BBS9: variants seen among roughly 807,000 people sequenced by gnomAD.
The protein encoded by BBS9 is Bardet-Biedl syndrome 9.
In BBS9, 89 loss-of-function variants were observed where a neutral mutation model predicts 117.7. That is an observed-to-expected ratio of 0.76 (90% CI 0.64 to 0.90). The LOEUF (loss-of-function observed/expected upper bound fraction) is 0.90. Among genes scored for constraint, BBS9 ranks in the 40% least tolerant of loss-of-function variants. The probability of loss-of-function intolerance (pLI) is 0.00; values close to 1 mark genes in which losing one functional copy is unlikely to be tolerated. For synonymous variants in BBS9, 379 were observed against 370.9 expected (o/e 1.02, Z -0.25); for missense variants, 982 against 1,042.2 (o/e 0.94, Z 0.80).
chr7:33,389,977 G>A (rs568500033), intron 19 of BBS9, among the ~76,000 whole-genome samples: 1 of 152,162 alleles, frequency 6.6e-6, no homozygotes, highest in East Asian at 1.9e-4. Context: ...TGCCAATTTC[G>A]TGTGTGTGTG....
At chr7:33,142,156 C>T (rs1791578505) in intron 1 of BBS9, among the ~76,000 whole-genome samples, 2 of 152,140 alleles carry the variant, frequency 1.3e-5, no homozygotes, top group Middle Eastern at 3.4e-3. Flanking sequence ...CTCCTGACCT[C>T]GTGATCCGCC....
At chr7:33,404,777 A>G (rs1484115872) in intron 19 of BBS9, among the ~76,000 whole-genome samples, 2 of 152,090 alleles carry the variant, frequency 1.3e-5, no homozygotes, top group South Asian at 2.1e-4. Flanking sequence ...ATATACAGTC[A>G]TGTCGTCTGC....
At chr7:33,506,700 C>T (rs1219874904) in intron 20 of BBS9, among the ~76,000 whole-genome samples, 2 of 151,974 alleles carry the variant, frequency 1.3e-5, no homozygotes, top group African/African-American at 2.4e-5. Flanking sequence ...ACAGTTAGGT[C>T]AGAGGATTGC....
At chr7:33,131,591 C>G (rs1017241420) in intron 1 of BBS9, among the ~76,000 whole-genome samples, 1 of 152,178 alleles carries the variant, frequency 6.6e-6, no homozygotes, top group African/African-American at 2.4e-5. Flanking sequence ...AAGCAAAGCT[C>G]TGAAAATGAA....
chr7:33,437,362 A>C (rs10429255), intron 19 of BBS9, among the ~76,000 whole-genome samples: 1,654 of 152,296 alleles, frequency 0.011, 32 homozygotes, highest in African/African-American at 0.038. Flanking sequence ...CATCAAATAG[A>C]GCCAAGTGCT....
intron 19 of BBS9, among the ~76,000 whole-genome samples, chr7:33,398,471 A>G (rs1028959935): frequency 1.3e-5 from 2 of 152,222 alleles, no homozygotes; most frequent in African/African-American, 4.8e-5. Context: ...CTAGTTTCTC[A>G]GCCAAACAAG....
intron 21 of BBS9, among the ~76,000 whole-genome samples, chr7:33,550,111 T>C (rs749711135): frequency 7.2e-5 from 11 of 152,142 alleles, no homozygotes; most frequent in Non-Finnish European, 1.6e-4. Context: ...CTATCTTTTA[T>C]AGTACGGTTT....
At chr7:33,403,334 C>A (rs1829285103) in intron 19 of BBS9, among the ~76,000 whole-genome samples, 1 of 143,962 alleles carries the variant, frequency 6.9e-6, no homozygotes, top group Non-Finnish European at 1.5e-5. Context: ...TATTATTATA[C>A]TTTAAGTTTT....
At chr7:33,504,347 C>T (rs1274143851) in intron 19 of BBS9, among the ~76,000 whole-genome samples, 1 of 152,176 alleles carries the variant, frequency 6.6e-6, no homozygotes, top group Non-Finnish European at 1.5e-5. Flanking sequence ...TCCAGTATCT[C>T]CGAGACACTC....
chr7:33,315,750 A>G (rs971510491), intron 9 of BBS9, among the ~76,000 whole-genome samples: 1 of 152,154 alleles, frequency 6.6e-6, no homozygotes, highest in African/African-American at 2.4e-5. Flanking sequence ...TGGTGGTGTC[A>G]TTTTATGTGG....
intron 19 of BBS9, among the ~76,000 whole-genome samples, chr7:33,389,752 A>G (rs1452325515): frequency 6.6e-6 from 1 of 151,514 alleles, no homozygotes; most frequent in African/African-American, 2.4e-5. Flanking sequence ...AATTTAAAGG[A>G]CAGTCTATAG....
intron 9 of BBS9, among the ~76,000 whole-genome samples, chr7:33,306,002 G>T (rs1235598573): frequency 6.6e-6 from 1 of 151,544 alleles, no homozygotes; most frequent in East Asian, 1.9e-4. Flanking sequence ...TGAGGTTTGA[G>T]GTTTTTCTAC....
chr7:33,606,001 G>A lies in BBS9; in HGVS notation c.*775G>A, dbSNP rs981886032. 3 of 152,094 alleles carry A rather than the reference G, an allele frequency of 2.0e-5. No homozygotes were observed. Among genetic ancestry groups the A allele is most frequent in the African/African-American group, 4.8e-5 (2 of 41,432 alleles). 9.4% of individuals were successfully genotyped at this position (152,094 alleles called of 1,614,324 possible). On this transcript the variant is annotated 3_prime_UTR_variant, in exon 23 of 23. Coordinates refer to ENST00000242067, the MANE Select transcript of BBS9 (RefSeq NM_198428.3). ...ATGTGTAAGAAGTGAAAGAAACTTT[G>A]CTAATTTCAAGTTCGAATTACAGTT...
At chr7:33,632,595 C>G (rs1865944769) in intron 21 of BBS9, among the ~76,000 whole-genome samples, 1 of 152,088 alleles carries the variant, frequency 6.6e-6, no homozygotes, top group African/African-American at 2.4e-5. Context: ...TTTCCCTGTC[C>G]CAGAATGACC....
intron 19 of BBS9, among the ~76,000 whole-genome samples, chr7:33,439,020 G>C (rs1448138763): frequency 6.6e-6 from 1 of 152,138 alleles, no homozygotes; most frequent in African/African-American, 2.4e-5. Flanking sequence ...TGAACACAGA[G>C]TGTTCAAGCT....
At chr7:33,467,455 A>T (rs1169300168) in intron 19 of BBS9, among the ~76,000 whole-genome samples, 1 of 152,124 alleles carries the variant, frequency 6.6e-6, no homozygotes, top group Non-Finnish European at 1.5e-5. Context: ...AGTTTACACA[A>T]ATAAGTCTGT....
Position 33,152,803 on chromosome 7 carries a change from T to C in BBS9, c.215T>C (p.Val72Ala). The C allele has an allele frequency of 6.2e-7, 1 of 1,613,980 alleles. No homozygotes were observed. The highest frequency in any genetic ancestry group is 1.1e-5 in the South Asian group (1 of 91,074). ...CAAGCCGAAGATTTGCTTCTAGAAG[T>C]GGATCTACGAGATCCAGTACTTCAA... is the stretch of plus-strand genomic sequence containing the variant. ...GAQAEDLLLE[V>A]DLRDPVLQVE... is the part of the protein sequence containing the mutation. The change falls in exon 3 of 23, where the codon GTG becomes GCG. Residue 72 changes from valine to alanine, a missense_variant. Coordinates refer to ENST00000242067, the MANE Select transcript of BBS9 (RefSeq NM_198428.3).
chr7:33,567,133 T>A (rs1011279310), intron 21 of BBS9, among the ~76,000 whole-genome samples: 1 of 152,192 alleles, frequency 6.6e-6, no homozygotes, highest in South Asian at 2.1e-4. Flanking sequence ...AAGTCCAGAC[T>A]GTTCTCTATT....
intron 5 of BBS9, among the ~76,000 whole-genome samples, chr7:33,220,814 A>T (rs1017575865): frequency 6.6e-6 from 1 of 152,256 alleles, no homozygotes; most frequent in African/African-American, 2.4e-5. Flanking sequence ...AATAACAAAA[A>T]TGAAACACTC....
Sources: gnomAD v4.1 joint callset for allele counts (sites outside exome capture counted in the v4.1 genomes callset) on GRCh38, gnomAD v4.1.1 for gene constraint, MANE v1.5 for transcripts, NCBI Gene and HGNC (gene_info 2026-07-23, HGNC 2026-07-21) for gene names.